Variants in ZCCHC17 observed in about 807,000 individuals in gnomAD.
ZCCHC17 encodes zinc finger CCHC-type containing 17.
A neutral mutation model predicts 30.6 loss-of-function variants in ZCCHC17; 18 were observed. The ratio of observed to expected loss-of-function variants is 0.59; its 90% CI spans 0.41 to 0.87. The LOEUF (loss-of-function observed/expected upper bound fraction) is 0.87. Among genes scored for constraint, ZCCHC17 ranks in the 40% least tolerant of loss-of-function variants. ZCCHC17 has a pLI of 0.00. For synonymous variants in ZCCHC17, 88 were observed against 92.4 expected, an observed-to-expected ratio of 0.95 and a Z score of 0.27; for missense variants, 263 against 284.2, an observed-to-expected ratio of 0.93 and a Z score of 0.54.
At chr1:31,333,413 C>G (rs946305172) in intron 3 of ZCCHC17, among the ~76,000 whole-genome samples, 2 of 152,052 alleles carry the variant, frequency 1.3e-5, no homozygotes, top group African/African-American at 4.8e-5. Context: ...ATCGCAGCTA[C>G]TCGGGAGGCT....
At chr1:31,350,355 C>G (rs1380883343) in intron 7 of ZCCHC17, among the ~76,000 whole-genome samples, 2 of 151,964 alleles carry the variant, frequency 1.3e-5, no homozygotes, top group Admixed American at 1.3e-4. Context: ...TCTTAATTTT[C>G]TGGGTGAGGA....
intron 2 of ZCCHC17, among the ~76,000 whole-genome samples, chr1:31,314,758 G>A (rs2148421229): frequency 6.6e-6 from 1 of 152,126 alleles, no homozygotes; most frequent in Admixed American, 6.5e-5. Context: ...CTGGAGTGCA[G>A]TGGGTTCAAG....
At position 31,310,070 on chromosome 1, in the gene ZCCHC17, A is replaced by G. The variant is rs754905751; in HGVS notation, c.-29A>G. 1.2e-6 allele frequency: 2 copies of G among 1,610,446 alleles called. No individual in the cohort carries two copies. Among genetic ancestry groups the G allele is most frequent in the South Asian group, 2.2e-5 (2 of 90,420 alleles). On this transcript the variant is annotated 5_prime_UTR_variant, in exon 2 of 8. Transcript: ENST00000344147. The stretch of plus-strand genomic sequence containing the variant: ...ACACTTGTATTAGCTTTAATAGAAG[A>G]GAAATGGAGGAGCCATAGAATATTA...
chr1:31,297,740 A>G (rs1646201305), intron 1 of ZCCHC17, among the ~76,000 whole-genome samples: 3 of 152,196 alleles, frequency 2.0e-5, no homozygotes, highest in African/African-American at 7.2e-5. Context: ...AAGGTTTTTC[A>G]GAGGAAAAGA....
intron 7 of ZCCHC17, among the ~76,000 whole-genome samples, chr1:31,360,894 T>C (rs566629787): frequency 1.1e-4 from 17 of 152,344 alleles, no homozygotes; most frequent in African/African-American, 4.1e-4. Flanking sequence ...AAGATAAGGA[T>C]GCAAAAAGCT....
rs1646800571 is a variant in ZCCHC17, at chr1:31,319,099, A to C, written c.67-10A>C. ...TATGTGACATTGATTTTTTTCCCCCATCTTTATAGGTTGCTATGGTGACAG... is the reference window on the plus strand; with the variant it reads ...TATGTGACATTGATTTTTTTCCCCCCTCTTTATAGGTTGCTATGGTGACAG... On this transcript the variant is annotated splice_polypyrimidine_tract_variant and intron_variant, in intron 2 of 7. Transcript: ENST00000344147. 11 of 1,604,308 alleles carry C rather than the reference A, an allele frequency of 6.9e-6. No homozygotes were observed. The highest frequency in any genetic ancestry group is 1.7e-5 in the Admixed American group (1 of 59,260).
chr1:31,327,851 G>A (rs1290179709), intron 3 of ZCCHC17, among the ~76,000 whole-genome samples: 1 of 152,172 alleles, frequency 6.6e-6, no homozygotes, highest in Admixed American at 6.5e-5. Context: ...GACTGAGGAA[G>A]GGGGAGAATG....
chr1:31,344,196 G>C (rs1423458897), intron 5 of ZCCHC17, among the ~76,000 whole-genome samples: 2 of 151,876 alleles, frequency 1.3e-5, no homozygotes, highest in African/African-American at 4.8e-5. Context: ...TTGCTGTGTT[G>C]CCCAGGCTGA....
In ZCCHC17 at chr1:31,318,377, G is replaced by A. The variant is rs537257824; in HGVS notation, c.67-732G>A. ...AGAGAGAGCTAGAGCCTAGGTTAAT[G>A]ATTTATCTGGCAAGGGTTCTGGGCC... On this transcript the variant is annotated intron_variant, in intron 2 of 7. Transcript: ENST00000344147. 1.2e-4 allele frequency: 80 copies of A among 671,948 alleles called. No individual in the cohort carries two copies. The East Asian group carries it at 1.9e-3, about 16-fold the overall frequency. The allele number at this position is 671,948 out of a possible 1,614,324, so 41.6% of individuals were successfully genotyped here.
intron 3 of ZCCHC17, among the ~76,000 whole-genome samples, chr1:31,334,335 CTCTGTGTG>C (rs1424849021): frequency 8.1e-4 from 46 of 56,754 alleles, no homozygotes; most frequent in East Asian, 1.6e-3. Flanking sequence ...CTCTCTCTCT[CTCTGTGTG>C]TGTGTGTGTG....
intron 3 of ZCCHC17, among the ~76,000 whole-genome samples, chr1:31,333,537 T>C (rs1220310163): frequency 1.9e-4 from 29 of 151,844 alleles, no homozygotes; most frequent in Admixed American, 1.9e-3. Flanking sequence ...AAATAAAAAA[T>C]AAAATACATA....
chr1:31,340,933 T>C (rs1247772796), intron 5 of ZCCHC17, among the ~76,000 whole-genome samples: 1 of 152,248 alleles, frequency 6.6e-6, no homozygotes, highest in African/African-American at 2.4e-5. Flanking sequence ...ATTGAATACA[T>C]ACTGCAGTGC....
At chr1:31,322,910 C>T (rs1186879966) in intron 3 of ZCCHC17, among the ~76,000 whole-genome samples, 5 of 151,934 alleles carry the variant, frequency 3.3e-5, no homozygotes, top group African/African-American at 1.2e-4. Context: ...TTGGTAGAGA[C>T]GGGGTTTCAC....
intron 1 of ZCCHC17, among the ~76,000 whole-genome samples, chr1:31,309,821 A>C (rs894257238): frequency 6.6e-6 from 1 of 152,202 alleles, no homozygotes; most frequent in African/African-American, 2.4e-5. Context: ...AAACACAACA[A>C]AATTAGTAGC....
chr1:31,350,053 T>C (rs2377787), intron 7 of ZCCHC17, among the ~76,000 whole-genome samples: 151,239 of 152,308 alleles, frequency 0.99, 75,097 homozygotes, highest in Middle Eastern at 1. Context: ...ATATCTACTA[T>C]TTATGGCAGA....
intron 7 of ZCCHC17, among the ~76,000 whole-genome samples, chr1:31,353,289 T>C (rs4949390): frequency 0.06 from 9,201 of 152,304 alleles, 533 homozygotes; most frequent in South Asian, 0.21. Context: ...ATCAGATATA[T>C]GGTTTGCAAA....
chr1:31,328,589 C>T (rs1396167274), intron 3 of ZCCHC17, among the ~76,000 whole-genome samples: 1 of 152,034 alleles, frequency 6.6e-6, no homozygotes, highest in Non-Finnish European at 1.5e-5. Context: ...GTATAGGATT[C>T]AGTACTATTC....
At chr1:31,320,957 T>C (rs1646845958) in intron 3 of ZCCHC17, among the ~76,000 whole-genome samples, 1 of 152,212 alleles carries the variant, frequency 6.6e-6, no homozygotes, top group Admixed American at 6.5e-5. Context: ...TTATTATCTT[T>C]CTGGGTATGG....
At chr1:31,317,750 G>A (rs1357992969) in intron 2 of ZCCHC17, among the ~76,000 whole-genome samples, 3 of 152,090 alleles carry the variant, frequency 2.0e-5, no homozygotes, top group Non-Finnish European at 4.4e-5. Context: ...CTACAGGCAC[G>A]TTGCACAGCA....
Sources: allele counts gnomAD v4.1 joint callset (sites outside exome capture counted in the v4.1 genomes callset), GRCh38; gene constraint gnomAD v4.1.1; transcripts MANE v1.5; gene names NCBI Gene and HGNC (gene_info 2026-07-23, HGNC 2026-07-21).